TRIM72: variants seen among roughly 807,000 people sequenced by gnomAD.
The protein encoded by TRIM72 is tripartite motif containing 72, also known as tripartite motif-containing protein 72.
In TRIM72, 33 loss-of-function variants were observed where a neutral mutation model predicts 31.6. The ratio of observed to expected loss-of-function variants is 1.04; its 90% CI spans 0.79 to 1.40. TRIM72 has a LOEUF of 1.40. Among genes scored for constraint, TRIM72 ranks in the 40% most tolerant of loss-of-function variants. The probability of loss-of-function intolerance (pLI) is 0.00; values close to 1 mark genes in which losing one functional copy is unlikely to be tolerated. For synonymous variants in TRIM72, 301 were observed against 314.4 expected (o/e 0.96, Z 0.45); for missense variants, 666 against 682.7 (o/e 0.98, Z 0.27).
rs1263379428 is a variant in TRIM72 at position 31,214,962 on chromosome 16, T to A, written c.224T>A (p.Val75Glu). 1.5e-5 allele frequency: 23 copies of A among 1,487,754 alleles called. No individual in the cohort carries two copies. Among genetic ancestry groups the A allele is most frequent in the Admixed American group, 2.3e-5 (1 of 44,332 alleles). The allele number at this position is 1,487,754 out of a possible 1,614,324, so 92.2% of individuals were successfully genotyped here. A position where few individuals can be genotyped will look rare whatever the true frequency, so the allele number is the denominator to read the frequency against. Residue 75 changes from valine to glutamate, a missense_variant, in exon 2 of 7, where the codon GTG (valine) becomes GAG (glutamate). Val to Glu is a moderately radical substitution (Grantham distance 121). Transcript: ENST00000322122. ...ACCAACCTGCAGCTGGCGCGCCTGG[T>A]GGAGGGGCTGGCCCAGGTGCCGCAG... ...LSTNLQLARL[V>E]EGLAQVPQGH...
At chr16:31,217,552 A>G (rs1349364804) in intron 2 of TRIM72, among the ~76,000 whole-genome samples, 2 of 149,012 alleles carry the variant, frequency 1.3e-5, no homozygotes, top group Non-Finnish European at 3.0e-5. Flanking sequence ...CTATATTTGC[A>G]TATTTGCATT....
In TRIM72 at chr16:31,224,953, G is replaced by C; in HGVS notation, c.*198G>C. On this transcript the variant is annotated 3_prime_UTR_variant, in exon 7 of 7. Coordinates refer to ENST00000322122, the MANE Select transcript of TRIM72 (RefSeq NM_001008274.4). ...TGCCTGTAATCCCAGCACTTTGGGAGACGGAGGCGGGTGGATCACCTGAGG... is the reference window on the plus strand; with the variant it reads ...TGCCTGTAATCCCAGCACTTTGGGACACGGAGGCGGGTGGATCACCTGAGG... 1 of 490,668 alleles carries C rather than the reference G, an allele frequency of 2.0e-6. No homozygotes were observed. Among genetic ancestry groups the C allele is most frequent in the Non-Finnish European group, 3.4e-6 (1 of 297,018 alleles). The allele number at this position is 490,668 out of a possible 1,614,324, so 30.4% of individuals were successfully genotyped here.
intron 2 of TRIM72, among the ~76,000 whole-genome samples, chr16:31,218,418 C>T (rs2079519536): frequency 6.6e-6 from 1 of 152,108 alleles, no homozygotes; most frequent in Non-Finnish European, 1.5e-5. Context: ...AGTGGTGGCT[C>T]ATGTCTAATC....
In TRIM72 at chr16:31,231,067, A is replaced by C. The variant is rs2079568453; in HGVS notation, c.*6312A>C. 1 of 151,350 alleles carries C rather than the reference A, an allele frequency of 6.6e-6. No homozygotes were observed. The highest frequency in any genetic ancestry group is 1.5e-5 in the Non-Finnish European group (1 of 67,912). 9.4% of individuals were successfully genotyped at this position (151,350 alleles called of 1,614,324 possible). A position where few individuals can be genotyped will look rare whatever the true frequency, so the allele number is the denominator to read the frequency against. ...TTGAGATGGAGTCTCACTGTCTCCC[A>C]GGCTGGAGTGCAGTGGCGTGATCTC... On this transcript the variant is annotated 3_prime_UTR_variant, in exon 7 of 7. Transcript: ENST00000322122.
At chr16:31,217,051 C>T in intron 2 of TRIM72, 1 of 1,599,902 alleles carries the variant, frequency 6.3e-7, no homozygotes, top group Non-Finnish European at 8.5e-7. Context: ...CGCCTCTGAG[C>T]CTCCGAGGGC....
rs760255630 is a variant in TRIM72, at chr16:31,215,090, C to T, written c.352C>T (p.Arg118Cys). Reference protein sequence around the residue: ...CASLGSHRGHRLLPAAEAHAR... With the variant: ...CASLGSHRGHCLLPAAEAHAR... ...CTCACTCGGCTCGCACCGCGGTCAT[C>T]GCCTCCTGCCTGCCGCCGAGGCCCA... The change falls in exon 2 of 7, where the codon CGC (arginine) becomes TGC (cysteine). Residue 118 changes from arginine (R) to cysteine (C), a missense_variant. Arg to Cys is a radical substitution (Grantham distance 180). Transcript: ENST00000322122. This position sits in a 1 kb window ranked among gnomAD's most constrained non-coding sequence, Gnocchi z 6.3. 2 of 1,447,448 alleles carry T rather than the reference C, an allele frequency of 1.4e-6. No homozygotes were observed. Among genetic ancestry groups the T allele is most frequent in the Non-Finnish European group, 1.8e-6 (2 of 1,110,032 alleles). The allele number at this position is 1,447,448 out of a possible 1,614,324, so 89.7% of individuals were successfully genotyped here.
Position 31,219,635 on chromosome 16 carries a change from G to T in TRIM72, c.717+116G>T. On this transcript the variant is annotated intron_variant, in intron 4 of 6. Coordinates refer to ENST00000322122, the MANE Select transcript of TRIM72 (RefSeq NM_001008274.4). This position sits in a 1 kb window ranked among gnomAD's most constrained non-coding sequence, Gnocchi z 4.2. ...AGGGATAAGCCAGCAGCACACAGCC[G>T]GGAGGGGCAGGCCTCAGGACTGCTA... 2.1e-6 allele frequency: 2 copies of T among 945,726 alleles called. No individual in the cohort carries two copies. The highest frequency in any genetic ancestry group is 3.2e-6 in the Non-Finnish European group (2 of 619,778). The allele number at this position is 945,726 out of a possible 1,614,324, so 58.6% of individuals were successfully genotyped here. A position where few individuals can be genotyped will look rare whatever the true frequency, so the allele number is the denominator to read the frequency against.
chr16:31,224,411 G>A lies in TRIM72; in HGVS notation c.1090G>A (p.Ala364Thr). The change falls in exon 7 of 7, where the codon GCC becomes ACC. Residue 364 changes from alanine to threonine, a missense_variant. Coordinates refer to ENST00000322122, the MANE Select transcript of TRIM72 (RefSeq NM_001008274.4). ...KPRWALGVIA[A>T]EAPRRGRLHA... ...GCGCTGGGCGCTGGGCGTGATCGCG[G>A]CCGAGGCCCCCCGCCGCGGGCGCCT... 7.0e-7 allele frequency: 1 copy of A among 1,425,912 alleles called. No individual in the cohort carries two copies. Among genetic ancestry groups the A allele is most frequent in the Non-Finnish European group, 9.1e-7 (1 of 1,100,620 alleles). 88.3% of individuals were successfully genotyped at this position (1,425,912 alleles called of 1,614,324 possible).
rs1395010196 is a variant in TRIM72 at position 31,230,249 on chromosome 16, C to G, written c.*5494C>G. The G allele has an allele frequency of 6.6e-6, 1 of 152,150 alleles. No individual in the cohort carries two copies. Among genetic ancestry groups the G allele is most frequent in the Non-Finnish European group, 1.5e-5 (1 of 68,032 alleles). The allele number at this position is 152,150 out of a possible 1,614,324, so 9.4% of individuals were successfully genotyped here. A position where few individuals can be genotyped will look rare whatever the true frequency, so the allele number is the denominator to read the frequency against. On this transcript the variant is annotated 3_prime_UTR_variant, in exon 7 of 7. Transcript: ENST00000322122. ...TCCCTTTCCCAGGCATTGTGAAGAC[C>G]CTGTTTCTCTAGCTGTGCAGCTGCA...
In TRIM72 at chr16:31,225,891, C is replaced by T. The variant is rs1355629898; in HGVS notation, c.*1136C>T. On this transcript the variant is annotated 3_prime_UTR_variant, in exon 7 of 7. Coordinates refer to ENST00000322122, the MANE Select transcript of TRIM72 (RefSeq NM_001008274.4). ...CTCGAACTCCTGACCTCAAGTGATT[C>T]ACCCGCCTTGGCCTCCCATAGTGCT... The T allele has an allele frequency of 6.6e-6, 1 of 151,888 alleles. No individual in the cohort carries two copies. The highest frequency in any genetic ancestry group is 1.5e-5 in the Non-Finnish European group (1 of 67,994). The allele number at this position is 151,888 out of a possible 1,614,324, so 9.4% of individuals were successfully genotyped here.
chr16:31,222,885 A>G lies in TRIM72; in HGVS notation c.799A>G (p.Ile267Val), dbSNP rs1488672638. ...CGCCCGTCTGGACATCCAGCTGCCA[A>G]TTATCTCAGATGACTTCAAATTCCA... ...PPARLDIQLP[I>V]ISDDFKFQVW... The change falls in exon 6 of 7, where the codon ATT (isoleucine) becomes GTT (valine). Residue 267 changes from isoleucine (I) to valine (V), a missense_variant. By Grantham distance (29) the Ile-to-Val change is conservative. Transcript: ENST00000322122. 1.9e-6 allele frequency: 3 copies of G among 1,541,300 alleles called. No individual in the cohort carries two copies. The highest frequency in any genetic ancestry group is 2.6e-6 in the Non-Finnish European group (3 of 1,148,978).
rs2079558295 is a variant in TRIM72, at chr16:31,227,471, G to T, written c.*2716G>T. 1 of 151,686 alleles carries T rather than the reference G, an allele frequency of 6.6e-6. No individual in the cohort carries two copies. Among genetic ancestry groups the T allele is most frequent in the Admixed American group, 6.6e-5 (1 of 15,208 alleles). 9.4% of individuals were successfully genotyped at this position (151,686 alleles called of 1,614,324 possible). A position where few individuals can be genotyped will look rare whatever the true frequency, so the allele number is the denominator to read the frequency against. On this transcript the variant is annotated 3_prime_UTR_variant, in exon 7 of 7. Coordinates refer to ENST00000322122, the MANE Select transcript of TRIM72 (RefSeq NM_001008274.4). ...GATCACCGTAACCTCCGCCTCCTAG[G>T]TTCAAGGGATTCTCCTGCCTCAGCC...
chr16:31,222,403 A>C (rs1253199567), intron 5 of TRIM72, among the ~76,000 whole-genome samples: 1 of 151,186 alleles, frequency 6.6e-6, no homozygotes, highest in African/African-American at 2.4e-5. Flanking sequence ...AAAAAAAAAA[A>C]AAAAAGACCA....
intron 2 of TRIM72, chr16:31,217,410 A>G (rs2079515287): frequency 5.6e-6 from 1 of 177,962 alleles, no homozygotes; most frequent in Non-Finnish European, 1.2e-5. Context: ...GGGAGGCTGA[A>G]GCAAAAGGAT....
chr16:31,222,126 C>T (rs962752217), intron 5 of TRIM72, among the ~76,000 whole-genome samples: 1 of 152,170 alleles, frequency 6.6e-6, no homozygotes, highest in Non-Finnish European at 1.5e-5. Flanking sequence ...GGTGCAGTGG[C>T]TCACGCCTGT....
intron 5 of TRIM72, 36 bp downstream of exon 5, chr16:31,220,954 T>A: frequency 6.2e-7 from 1 of 1,613,972 alleles, no homozygotes; most frequent in South Asian, 1.1e-5. Flanking sequence ...TTGCCCGACT[T>A]GTCCCAGTCT....
rs2079521660 is a variant in TRIM72, at chr16:31,219,022, G to T, written c.391-73G>T. The T allele has an allele frequency of 1.4e-6, 2 of 1,391,996 alleles. No individual in the cohort carries two copies. The highest frequency in any genetic ancestry group is 2.0e-6 in the Non-Finnish European group (2 of 1,015,754). 86.2% of individuals were successfully genotyped at this position (1,391,996 alleles called of 1,614,324 possible). A position where few individuals can be genotyped will look rare whatever the true frequency, so the allele number is the denominator to read the frequency against. ...TGGCATTGAGGTTGAGCCACAGAGG[G>T]CAGGTTTAGGATGGGAGGTGTGGGT... On this transcript the variant is annotated intron_variant, in intron 2 of 6. Coordinates refer to ENST00000322122, the MANE Select transcript of TRIM72 (RefSeq NM_001008274.4). The surrounding 1 kb of genome is among the most constrained non-coding windows in gnomAD (Gnocchi z 4.2).
rs1478601345 is a variant in TRIM72, at chr16:31,214,797, T to G, written c.59T>G (p.Leu20Arg). 2 of 1,580,918 alleles carry G rather than the reference T, an allele frequency of 1.3e-6. No individual in the cohort carries two copies. Among genetic ancestry groups the G allele is most frequent in the East Asian group, 4.6e-5 (2 of 43,092 alleles). Residue 20 changes from leucine to arginine, a missense_variant, in exon 2 of 7, where the codon CTG (leucine) becomes CGG (arginine). Leu to Arg is a moderately radical substitution (Grantham distance 102). Transcript: ENST00000322122. ...QELSCPLCLQ[L>R]FDAPVTAECG... is the part of the protein sequence containing the mutation. ...CTGTCCTGCCCGCTGTGCCTGCAGC[T>G]GTTCGACGCGCCCGTGACAGCCGAG...
rs148040599 is a variant in TRIM72 at position 31,226,164 on chromosome 16, G to A, written c.*1409G>A. 3.7e-3 allele frequency: 570 copies of A among 152,238 alleles called. 2 individuals are homozygous for A. The highest frequency in any genetic ancestry group is 7.0e-3 in the African/African-American group (292 of 41,538). 9.4% of individuals were successfully genotyped at this position (152,238 alleles called of 1,614,324 possible). A position where few individuals can be genotyped will look rare whatever the true frequency, so the allele number is the denominator to read the frequency against. On this transcript the variant is annotated 3_prime_UTR_variant, in exon 7 of 7. Transcript: ENST00000322122. ...TGCTGGCCACAGGGGCTGACGCTGC[G>A]GGAAGCCCTGACCTAGTGCACAACC...
Sources: allele counts gnomAD v4.1 joint callset (sites outside exome capture counted in the v4.1 genomes callset), GRCh38; gene constraint gnomAD v4.1.1; non-coding constraint Gnocchi (gnomAD v3.1); transcripts MANE v1.5; gene names NCBI Gene and HGNC (gene_info 2026-07-23, HGNC 2026-07-21).